Variants in AHNAK2 observed in about 807,000 individuals in gnomAD.
The protein encoded by AHNAK2 is protein AHNAK2.
Under a neutral mutation model 30.7 loss-of-function variants are expected in AHNAK2, and 18 were observed. The ratio of observed to expected loss-of-function variants is 0.59; its 90% CI spans 0.41 to 0.87. The LOEUF (loss-of-function observed/expected upper bound fraction) is 0.87. Among genes scored for constraint, AHNAK2 ranks in the 40% least tolerant of loss-of-function variants. The pLI is 0.00. For synonymous variants in AHNAK2, 3,590 were observed against 3,073.8 expected (o/e 1.17, Z -5.56); for missense variants, 8,604 against 7,373.0 (o/e 1.17, Z -6.11).
rs761474225 is a variant in AHNAK2, at chr14:104,948,265, C to T, written c.7186G>A (p.Gly2396Ser). 53 of 1,612,260 alleles carry T rather than the reference C, an allele frequency of 3.3e-5. No individual in the cohort carries two copies. The highest frequency in any genetic ancestry group is 8.8e-5 in the South Asian group (8 of 91,018). Residue 2396 changes from glycine (G) to serine (S), a missense_variant, in exon 7 of 7, where the codon GGC becomes AGC. Gly to Ser is a moderately conservative substitution (Grantham distance 56). Coordinates refer to ENST00000333244, the MANE Select transcript of AHNAK2 (RefSeq NM_138420.4). ...AGCTTGGGCAGGTGCCCTTTGAGGC[C>T]GGCTCCCTCCGGCACGGGGCCCTCT... ...LPEGPVPEGAGLKGHLPKLQM... is the reference protein window; with the variant it reads ...LPEGPVPEGASLKGHLPKLQM...
At chr14:104,961,866 G>T (rs529598966) in intron 1 of AHNAK2, among the ~76,000 whole-genome samples, 2 of 152,006 alleles carry the variant, frequency 1.3e-5, no homozygotes, top group African/African-American at 2.4e-5. Context: ...CCAGCTACTC[G>T]GGAGGCTGAG....
At chr14:104,965,557 C>T (rs1234930954) in intron 1 of AHNAK2, among the ~76,000 whole-genome samples, 4 of 152,176 alleles carry the variant, frequency 2.6e-5, no homozygotes, top group Admixed American at 6.5e-5. Flanking sequence ...CCAACTCTGG[C>T]GCCCTGGCCT....
rs746678745 is a variant in AHNAK2, at chr14:104,953,089, T to A, written c.2362A>T (p.Thr788Ser). 1 of 1,613,392 alleles carries A rather than the reference T, an allele frequency of 6.2e-7. No individual in the cohort carries two copies. The highest frequency in any genetic ancestry group is 2.2e-5 in the East Asian group (1 of 44,850). The change falls in exon 7 of 7, where the codon ACA becomes TCA. Residue 788 changes from threonine (T) to serine (S), a missense_variant. Thr to Ser is a moderately conservative substitution (Grantham distance 58, BLOSUM62 1). Coordinates refer to ENST00000333244, the MANE Select transcript of AHNAK2 (RefSeq NM_138420.4). The part of the protein sequence containing the change: ...LDLKGPKAEV[T>S]APDVKMSLSS... ...AGAGACATCTTCACATCGGGGGCTGTCACTTCCGCCTTGGGGCCTTTCAGG... is the reference window on the plus strand; with the variant it reads ...AGAGACATCTTCACATCGGGGGCTGACACTTCCGCCTTGGGGCCTTTCAGG...
In AHNAK2 at chr14:104,941,384, A is replaced by C; in HGVS notation, c.14067T>G (p.Ala4689=). The C allele has an allele frequency of 6.2e-7, 1 of 1,613,426 alleles. No homozygotes were observed. The highest frequency in any genetic ancestry group is 8.5e-7 in the Non-Finnish European group (1 of 1,179,900). The change falls in exon 7 of 7, where the codon GCT becomes GCG. Residue 4689 remains alanine, a synonymous_variant. Coordinates refer to ENST00000333244, the MANE Select transcript of AHNAK2 (RefSeq NM_138420.4). The part of the protein sequence containing the change: ...DPSRDGNLGL[A]VGEVGMDSKF... Reference sequence around the variant, plus strand: ...TCGAATCCATTCCAACTTCTCCAACAGCAAGCCCCAAGTTACCATCGCGAG... The same window carrying C: ...TCGAATCCATTCCAACTTCTCCAACCGCAAGCCCCAAGTTACCATCGCGAG...
chr14:104,971,542 A>T (rs527988459), intron 1 of AHNAK2, among the ~76,000 whole-genome samples: 2 of 150,378 alleles, frequency 1.3e-5, no homozygotes, highest in African/African-American at 4.9e-5. Context: ...GAGCCTCCGC[A>T]CTGGCCTAGC....
chr14:104,948,347 A>T lies in AHNAK2; in HGVS notation c.7104T>A (p.Val2368=), dbSNP rs1332431947. The T allele has an allele frequency of 1.2e-6, 2 of 1,612,592 alleles. No individual in the cohort carries two copies. The highest frequency in any genetic ancestry group is 2.7e-5 in the African/African-American group (2 of 74,542). The part of the protein sequence containing the change: ...QGDLKTTDLS[V]QPPSADLEVQ... ...CCTCCAGGTCAGCGGAAGGGGGCTG[A>T]ACGCTGAGGTCAGTGGTCTTGAGGT... The change falls in exon 7 of 7, where the codon GTT becomes GTA. Residue 2368 remains valine, a synonymous_variant. Coordinates refer to ENST00000333244, the MANE Select transcript of AHNAK2 (RefSeq NM_138420.4).
chr14:104,973,414 A>G lies in AHNAK2; in HGVS notation c.55+4769T>C, dbSNP rs544536591. On this transcript the variant is annotated intron_variant, in intron 1 of 6. Transcript: ENST00000333244. The stretch of plus-strand genomic sequence containing the variant: ...ACCAAGGAGCCCGCGGTGCTGGCTC[A>G]CCCAGGAGCCAGGCCTGCCAAGCAG... 3.2e-4 allele frequency among the ~76,000 whole-genome samples: 48 copies of G among 152,286 alleles called. No individual in the cohort carries two copies. In the South Asian group the frequency reaches 9.9e-3, roughly 32 times the overall value.
intron 1 of AHNAK2, among the ~76,000 whole-genome samples, chr14:104,960,032 A>T (rs2819446): frequency 2.6e-5 from 4 of 152,122 alleles, no homozygotes; most frequent in Admixed American, 1.3e-4. Context: ...TAGATTATAG[A>T]TAATATGTAA....
In AHNAK2 at chr14:104,938,590, C is replaced by T. The variant is rs1897881171; in HGVS notation, c.16861G>A (p.Glu5621Lys). Residue 5621 changes from glutamate to lysine, a missense_variant, in exon 7 of 7, where the codon GAG becomes AAG. Transcript: ENST00000333244. The stretch of plus-strand genomic sequence containing the variant: ...TCATCTGCCAGTGGTGTGGTTGCCT[C>T]TTGGCTATCATCAGGGGGAAACTCA... ...ILEFPPDDSQ[E>K]ATTPLADEGR... 1.2e-6 allele frequency: 2 copies of T among 1,613,166 alleles called. No individual in the cohort carries two copies. The highest frequency in any genetic ancestry group is 1.7e-6 in the Non-Finnish European group (2 of 1,179,774).
At position 104,948,920 on chromosome 14, in the gene AHNAK2, A is replaced by T; in HGVS notation, c.6531T>A (p.Asp2177Glu). 1 of 1,593,434 alleles carries T rather than the reference A, an allele frequency of 6.3e-7. No homozygotes were observed. The highest frequency in any genetic ancestry group is 8.6e-7 in the Non-Finnish European group (1 of 1,168,034). ...APGKSIEASV[D>E]VSPPKVEADM... ...CGGCCTCCACCTTGGGTGGAGACAC[A>T]TCCACCGAGGCCTCGATGGACTTGC... is the stretch of plus-strand genomic sequence containing the variant. The change falls in exon 7 of 7, where the codon GAT (aspartate) becomes GAA (glutamate). Residue 2177 changes from aspartate to glutamate, a missense_variant. Physicochemically the swap from Asp to Glu is conservative, Grantham distance 45. Transcript: ENST00000333244.
rs1301582460 is a variant in AHNAK2 at position 104,943,782 on chromosome 14, T to G, written c.11669A>C (p.Gln3890Pro). ...TTTGGGCATCTTGAAACTGGGCATCTGCACCTTGGGCAGGTGTCCTTTGAG... is the reference window on the plus strand; with the variant it reads ...TTTGGGCATCTTGAAACTGGGCATCGGCACCTTGGGCAGGTGTCCTTTGAG... The part of the protein sequence containing the change: ...AGLKGHLPKV[Q>P]MPSFKMPKVD... The change falls in exon 7 of 7, where the codon CAG becomes CCG. Residue 3890 changes from glutamine to proline, a missense_variant. Transcript: ENST00000333244. 1 of 1,613,160 alleles carries G rather than the reference T, an allele frequency of 6.2e-7. No individual in the cohort carries two copies. Among genetic ancestry groups the G allele is most frequent in the Admixed American group, 1.7e-5 (1 of 59,968 alleles).
In AHNAK2 at chr14:104,953,004, T is replaced by G. The variant is rs768953625; in HGVS notation, c.2447A>C (p.Glu816Ala). 6.2e-7 allele frequency: 1 copy of G among 1,612,878 alleles called. No individual in the cohort carries two copies. The highest frequency in any genetic ancestry group is 1.3e-5 in the African/African-American group (1 of 74,430). Residue 816 changes from glutamate to alanine, a missense_variant, in exon 7 of 7, where the codon GAG becomes GCG. Coordinates refer to ENST00000333244, the MANE Select transcript of AHNAK2 (RefSeq NM_138420.4). ...PRAKLDGARL[E>A]GDLSLADKEV... is the part of the protein sequence containing the mutation. ...CTTGTCGGCCAGGGACAGGTCCCCC[T>G]CCAGCCGCGCACCATCCAGCTTTGC...
rs751209190 is a variant in AHNAK2 at position 104,948,106 on chromosome 14, C to A, written c.7345G>T (p.Val2449Leu). The change falls in exon 7 of 7, where the codon GTG (valine) becomes TTG (leucine). Residue 2449 changes from valine (V) to leucine (L), a missense_variant. By Grantham distance (32) the Val-to-Leu change is conservative. Transcript: ENST00000333244. ...APDVEVSQPS[V>L]EVDVEAPGAK... ...CCCGGGGCCTCGACATCCACCTCCA[C>A]GCTGGGCTGAGACACCTCCACGTCG... The A allele has an allele frequency of 1.2e-6, 2 of 1,611,680 alleles. No homozygotes were observed. Among genetic ancestry groups the A allele is most frequent in the Non-Finnish European group, 8.5e-7 (1 of 1,179,580 alleles).
In AHNAK2 at chr14:104,947,877, T is replaced by C. The variant is rs772705990; in HGVS notation, c.7574A>G (p.Asp2525Gly). Residue 2525 changes from aspartate to glycine, a missense_variant, in exon 7 of 7, where the codon GAC becomes GGC. By Grantham distance (94) the Asp-to-Gly change is moderately conservative (BLOSUM62 -1). Transcript: ENST00000333244. ...ADGSLSSMQG[D>G]LKATDLSIQP... The stretch of plus-strand genomic sequence containing the variant: ...AATGCTGAGGTCAGTGGCCTTGAGG[T>C]CCCCCTGCATGGAGGAGAGGCTCCC... 5.0e-6 allele frequency: 8 copies of C among 1,611,970 alleles called. No individual in the cohort carries two copies. In the South Asian group the frequency reaches 8.8e-5, roughly 18 times the overall value.
intron 1 of AHNAK2, among the ~76,000 whole-genome samples, chr14:104,959,180 ATT>A (rs1555403031): frequency 2.7e-5 from 4 of 150,656 alleles, no homozygotes; most frequent in African/African-American, 9.7e-5. Context: ...ACAAAAAAAA[ATT>A]TTTTTTTTGA....
chr14:104,963,712 C>T (rs1413338835), intron 1 of AHNAK2, among the ~76,000 whole-genome samples: 1 of 151,858 alleles, frequency 6.6e-6, no homozygotes, highest in Non-Finnish European at 1.5e-5. Context: ...TGCCTGTAGT[C>T]CCAGCTACTC....
intron 1 of AHNAK2, among the ~76,000 whole-genome samples, chr14:104,973,859 C>A (rs1167622669): frequency 6.6e-6 from 1 of 152,202 alleles, no homozygotes; most frequent in Non-Finnish European, 1.5e-5. Flanking sequence ...GAGTGCGCAG[C>A]AGAGCTGGCA....
intron 3 of AHNAK2, 38 bp downstream of exon 3, chr14:104,957,372 G>C: frequency 6.5e-7 from 1 of 1,533,728 alleles, no homozygotes; most frequent in Non-Finnish European, 8.8e-7. Context: ...TGCAGGAGGA[G>C]ACCTGGGTGC....
Position 104,954,110 on chromosome 14 carries a change from G to A in AHNAK2, c.1341C>T (p.Ser447=). The part of the protein sequence containing the change: ...KPRAQPTPGM[S]REGEGEGLQS... The stretch of plus-strand genomic sequence containing the variant: ...GCAGTCCCTCGCCTTCACCCTCCCG[G>A]CTCATTCCAGGAGTTGGCTGGGCCC... Residue 447 remains serine (S), a synonymous_variant, in exon 7 of 7, where the codon AGC becomes AGT. Coordinates refer to ENST00000333244, the MANE Select transcript of AHNAK2 (RefSeq NM_138420.4). The surrounding 1 kb of genome is among the most constrained non-coding windows in gnomAD (Gnocchi z 4.3). The A allele has an allele frequency of 6.2e-7, 1 of 1,612,164 alleles. No individual in the cohort carries two copies. The highest frequency in any genetic ancestry group is 8.5e-7 in the Non-Finnish European group (1 of 1,179,850).
Sources: gnomAD v4.1 joint callset for allele counts (sites outside exome capture counted in the v4.1 genomes callset) on GRCh38, gnomAD v4.1.1 for gene constraint, Gnocchi (gnomAD v3.1) non-coding constraint, MANE v1.5 for transcripts, NCBI Gene and HGNC (gene_info 2026-07-23, HGNC 2026-07-21) for gene names.